Variants in PDE4C observed in about 807,000 individuals in gnomAD.
The protein encoded by PDE4C is 3',5'-cyclic-AMP phosphodiesterase 4C.
In PDE4C, 50 loss-of-function variants were observed where a neutral mutation model predicts 63.9. The observed-to-expected ratio is 0.78, with a 90% CI of 0.62 to 0.99. The LOEUF (loss-of-function observed/expected upper bound fraction) is 0.99, where lower values mean the gene tolerates loss of function less well. PDE4C is among the 50% of genes least tolerant of loss of function. PDE4C has a pLI of 0.00. For missense variants in PDE4C, 777 were observed against 899.1 expected (o/e 0.86, Z 1.74); for synonymous variants, 377 against 385.1 (o/e 0.98, Z 0.25).
intron 1 of PDE4C, among the ~76,000 whole-genome samples, chr19:18,243,315 C>T (rs1240458972): frequency 1.3e-5 from 2 of 152,108 alleles, no homozygotes; most frequent in Non-Finnish European, 2.9e-5. Flanking sequence ...ACCATGTTGG[C>T]CAGGCTGGTC....
chr19:18,240,677 G>A (rs964184494), intron 1 of PDE4C, among the ~76,000 whole-genome samples: 1 of 152,028 alleles, frequency 6.6e-6, no homozygotes, highest in Non-Finnish European at 1.5e-5. Flanking sequence ...GCAGTGAGCC[G>A]AGATCATGCC....
chr19:18,223,993 T>G (rs1968607492), intron 1 of PDE4C, among the ~76,000 whole-genome samples: 1 of 152,054 alleles, frequency 6.6e-6, no homozygotes, highest in African/African-American at 2.4e-5. Flanking sequence ...GCTAGCCGGG[T>G]CCTGCCCTAG....
chr19:18,227,320 G>A (rs972464336), upstream of PDE4C, among the ~76,000 whole-genome samples: 1 of 151,980 alleles, frequency 6.6e-6, no homozygotes, highest in African/African-American at 2.4e-5. Flanking sequence ...CCCTCTCCCA[G>A]CACCCCTCCA....
At chr19:18,254,596 A>G in the PDE4C span, among the ~76,000 whole-genome samples, 3 of 152,314 alleles carry the variant, frequency 2.0e-5, no homozygotes, top group South Asian at 6.2e-4. Context: ...TGCCTTCTGA[A>G]TGAAACCCTT....
chr19:18,209,669 G>C (rs933180013), downstream of PDE4C: 3 of 146,302 alleles, frequency 2.1e-5, 1 homozygote, highest in Non-Finnish European at 4.5e-5. Context: ...GATTACAGGC[G>C]TGAGCCACCT....
chr19:18,217,538 G>C (rs137945784), intron 11 of PDE4C, among the ~76,000 whole-genome samples: 1 of 152,186 alleles, frequency 6.6e-6, no homozygotes, highest in Non-Finnish European at 1.5e-5. Flanking sequence ...GTACACAAAA[G>C]GTGCCCAATA....
chr19:18,252,712 G>A (rs1485054115), upstream of PDE4C, among the ~76,000 whole-genome samples: 1 of 151,908 alleles, frequency 6.6e-6, no homozygotes, highest in Non-Finnish European at 1.5e-5. Flanking sequence ...CCACCTCCTG[G>A]GTACAAGCAA....
At chr19:18,229,102 ATTTT>A (rs56379821), upstream of PDE4C, among the ~76,000 whole-genome samples, 122 of 124,538 alleles carry the variant, frequency 9.8e-4, no homozygotes, top group Admixed American at 2.0e-3. Flanking sequence ...TGCCAAGCTA[ATTTT>A]TTTTTTTTTT....
chr19:18,240,412 A>AG (rs1425421375), intron 1 of PDE4C, among the ~76,000 whole-genome samples: 1 of 96,196 alleles, frequency 1.0e-5, no homozygotes, highest in Non-Finnish European at 2.0e-5. Context: ...CGGCTTACAG[A>AG]GGGAAACTCT....
Position 18,220,265 on chromosome 19 carries a change from C to T in PDE4C, c.667G>A (p.Gly223Arg), listed in dbSNP as rs1163249842. ...GAGATGTACTCGGACACCTGGTTCC[C>T]GGAGCGGCTGGTTTCGGACAGGTGG... The change falls in exon 7 of 15, where the codon GGG becomes AGG. Residue 223 changes from glycine to arginine, a missense_variant. Gly to Arg is a moderately radical substitution (Grantham distance 125, BLOSUM62 -2). Coordinates refer to ENST00000262805, the Ensembl canonical transcript of PDE4C. This position sits in a 1 kb window ranked among gnomAD's most constrained non-coding sequence, Gnocchi z 5.1. 1 of 1,614,086 alleles carries T rather than the reference C, an allele frequency of 6.2e-7. No individual in the cohort carries two copies. The highest frequency in any genetic ancestry group is 8.5e-7 in the Non-Finnish European group (1 of 1,180,010).
intron 3 of PDE4C, 22 bp from the exon 4 acceptor site, chr19:18,221,200 CGGTG>C: frequency 6.7e-7 from 1 of 1,481,952 alleles, no homozygotes; most frequent in South Asian, 1.2e-5. Flanking sequence ...AGGTGGTAGG[CGGTG>C]GGAAGGAGAG....
intron 1 of PDE4C, among the ~76,000 whole-genome samples, chr19:18,239,529 G>A (rs1969005250): frequency 6.6e-6 from 1 of 152,168 alleles, no homozygotes; most frequent in Non-Finnish European, 1.5e-5. Context: ...ACCCACGTGC[G>A]CCAGACACAG....
At chr19:18,245,106 A>G (rs1286153378) in intron 1 of PDE4C, among the ~76,000 whole-genome samples, 3 of 151,890 alleles carry the variant, frequency 2.0e-5, no homozygotes, top group Non-Finnish European at 4.4e-5. Context: ...AAGTGCTGGG[A>G]TTACAAGCAT....
At chr19:18,225,486 A>C (rs1968686687) in intron 1 of PDE4C, 1 of 152,238 alleles carries the variant, frequency 6.6e-6, no homozygotes, top group South Asian at 2.1e-4. Context: ...ATGACCTTGG[A>C]GAGGGACCTC....
At chr19:18,249,913 G>C, upstream of PDE4C, 2 of 387,200 alleles carry the variant, frequency 5.2e-6, no homozygotes, top group Non-Finnish European at 9.1e-6. Context: ...CCTTGAGTCT[G>C]TGGATCCCCT....
intron 1 of PDE4C, chr19:18,224,145 C>T (rs1404048260): frequency 4.2e-6 from 4 of 945,112 alleles, no homozygotes; most frequent in East Asian, 1.2e-4. Context: ...ACCCTCAAAC[C>T]CTGTCTTTCC....
At chr19:18,233,617 C>A (rs1235931172) in exon 1 of PDE4C, 7 of 442,066 alleles carry the variant, frequency 1.6e-5, no homozygotes, top group Non-Finnish European at 2.7e-5. Flanking sequence ...TCAGGAGACC[C>A]CCGGGGCCGA....
intron 1 of PDE4C, chr19:18,224,211 T>C (rs1031709370): frequency 2.0e-6 from 2 of 985,444 alleles, no homozygotes; most frequent in Non-Finnish European, 2.4e-6. Context: ...GGGCAAGAAC[T>C]GGGGCGCTAG....
At chr19:18,235,885 A>G (rs920529384), upstream of PDE4C, among the ~76,000 whole-genome samples, 3 of 149,556 alleles carry the variant, frequency 2.0e-5, no homozygotes, top group Non-Finnish European at 4.4e-5. Flanking sequence ...CCTTCCCCGC[A>G]CTCCCACTGG....
Sources: allele counts gnomAD v4.1 joint callset (sites outside exome capture counted in the v4.1 genomes callset), GRCh38; gene constraint gnomAD v4.1.1; non-coding constraint Gnocchi (gnomAD v3.1); transcripts MANE v1.5; gene names NCBI Gene and HGNC (gene_info 2026-07-23, HGNC 2026-07-21).